SNRPC: variants seen among roughly 807,000 people sequenced by gnomAD.
SNRPC encodes the protein U1 small nuclear ribonucleoprotein C.
SNRPC carries 5 observed loss-of-function variants against 20.0 expected under a neutral mutation model. The ratio of observed to expected loss-of-function variants is 0.25; its 90% CI spans 0.13 to 0.53. The LOEUF is 0.53. SNRPC is among the 20% of genes least tolerant of loss of function. The pLI is 0.96. For synonymous variants in SNRPC, 61 were observed against 58.7 expected, an observed-to-expected ratio of 1.04 and a Z score of -0.18; for missense variants, 112 against 224.1, an observed-to-expected ratio of 0.50 and a Z score of 3.19.
At position 34,767,166 on chromosome 6, in the gene SNRPC, G is replaced by A. The variant is rs761362310; in HGVS notation, c.161-742G>A. Among the ~76,000 whole-genome samples the A allele has an allele frequency of 2.0e-5, 3 of 152,280 alleles. No individual in the cohort carries two copies. In the South Asian group the frequency reaches 6.2e-4, roughly 32 times the overall value. On this transcript the variant is annotated intron_variant, in intron 3 of 5. Transcript: ENST00000244520. ...TTCCAAACTGGTAAACCAACATGGT[G>A]TATTATTTTGACCTAGGACAGCATA...
intron 2 of SNRPC, among the ~76,000 whole-genome samples, chr6:34,761,486 A>C (rs1211966121): frequency 3.4e-5 from 5 of 148,388 alleles, no homozygotes; most frequent in Admixed American, 1.4e-4. Context: ...GTATTAATGT[A>C]AGCAGTGGTT....
chr6:34,759,751 T>G (rs888466260), intron 2 of SNRPC, among the ~76,000 whole-genome samples: 5 of 152,196 alleles, frequency 3.3e-5, no homozygotes, highest in Non-Finnish European at 7.4e-5. Context: ...CTTAGTAGTA[T>G]TATGAAAACA....
rs1472823493 is a variant in SNRPC, at chr6:34,773,598, GT to G, written c.*32del. The stretch of plus-strand genomic sequence containing the variant: ...ATAGAGGGGAGGCCTTATTGTATCG[GT>G]TTTATATTACCTGTTCTGCTTCACC... On this transcript the variant is annotated 3_prime_UTR_variant, in exon 6 of 6. Coordinates refer to ENST00000244520, the MANE Select transcript of SNRPC (RefSeq NM_003093.3). The surrounding 1 kb of genome is among the most constrained non-coding windows in gnomAD (Gnocchi z 4.1). The G allele has an allele frequency of 1.8e-5, 29 of 1,607,044 alleles. No homozygotes were observed. Among genetic ancestry groups the G allele is most frequent in the Non-Finnish European group, 2.4e-5 (28 of 1,175,322 alleles).
rs55756037 is a variant in SNRPC at position 34,757,936 on chromosome 6, A to G, written c.33A>G (p.Thr11=). 5 of 1,613,096 alleles carry G rather than the reference A, an allele frequency of 3.1e-6. No homozygotes were observed. Among genetic ancestry groups the G allele is most frequent in the Admixed American group, 1.7e-5 (1 of 59,938 alleles). ...GGTTTTATTGTGACTACTGCGATAC[A>G]TACCTCACCCATGACTCTGTAAGTG... MPKFYCDYCD[T]YLTHDSPSVR... Residue 11 remains threonine (T), a synonymous_variant, in exon 2 of 6, where the codon ACA becomes ACG. Coordinates refer to ENST00000244520, the MANE Select transcript of SNRPC (RefSeq NM_003093.3).
At chr6:34,771,328 CAA>C (rs774284128) in intron 5 of SNRPC, among the ~76,000 whole-genome samples, 1,400 of 63,722 alleles carry the variant, frequency 0.022, 19 homozygotes, top group African/African-American at 0.055. Flanking sequence ...GACTGTGTCT[CAA>C]AAAAAAAAAA....
Position 34,773,418 on chromosome 6 carries a change from T to C in SNRPC, c.356-28T>C, listed in dbSNP as rs1187041089. ...AAATCGTATTTTCTGACTCCCTTTT[T>C]CTCCCTCTTCTTTGTTTTGTCCTGC... On this transcript the variant is annotated intron_variant, in intron 5 of 5. Transcript: ENST00000244520. This position sits in a 1 kb window ranked among gnomAD's most constrained non-coding sequence, Gnocchi z 4.1. 6.2e-7 allele frequency: 1 copy of C among 1,606,920 alleles called. No individual in the cohort carries two copies. The highest frequency in any genetic ancestry group is 1.3e-5 in the African/African-American group (1 of 74,872).
Position 34,761,427 on chromosome 6 carries a change from C to T in SNRPC, c.52-1168C>T, listed in dbSNP as rs149809466. 2.2e-3 allele frequency among the ~76,000 whole-genome samples: 329 copies of T among 149,696 alleles called. 1 individual carries two copies. Among genetic ancestry groups the T allele is most frequent in the African/African-American group, 7.4e-3 (302 of 40,786 alleles). On this transcript the variant is annotated intron_variant, in intron 2 of 5. Coordinates refer to ENST00000244520, the MANE Select transcript of SNRPC (RefSeq NM_003093.3). ...TGCTGGGATTATAGGTGTGAGCCACCGCGACTGGCTGCTAGTCATGATTTT... is the reference window on the plus strand; with the variant it reads ...TGCTGGGATTATAGGTGTGAGCCACTGCGACTGGCTGCTAGTCATGATTTT...
At chr6:34,770,048 C>T (rs752470417) in intron 4 of SNRPC, among the ~76,000 whole-genome samples, 4 of 152,156 alleles carry the variant, frequency 2.6e-5, no homozygotes, top group Non-Finnish European at 4.4e-5. Context: ...CATGGAGAAA[C>T]CCTGTCTCTA....
chr6:34,763,904 A>G (rs1420005268), intron 3 of SNRPC, among the ~76,000 whole-genome samples: 1 of 148,424 alleles, frequency 6.7e-6, no homozygotes, highest in African/African-American at 2.5e-5. Context: ...TTTAGTAGAG[A>G]CGGGATTTCA....
intron 3 of SNRPC, among the ~76,000 whole-genome samples, chr6:34,763,178 G>A (rs748119912): frequency 2.0e-5 from 3 of 152,162 alleles, no homozygotes; most frequent in Non-Finnish European, 4.4e-5. Context: ...TAACAAAATA[G>A]TCTGGATATG....
intron 3 of SNRPC, 133 bp downstream of exon 3, chr6:34,762,836 G>T: frequency 1.6e-6 from 1 of 632,348 alleles, no homozygotes. Context: ...AATGAAAGAA[G>T]CAGAAGGTCA....
In SNRPC at chr6:34,767,899, C is replaced by CCTCAT. The variant is rs3831083; in HGVS notation, c.161-6_161-5insATCTC. The CCTCAT allele has an allele frequency of 0.34, 509,592 of 1,500,114 alleles. 97,233 individuals carry two copies. The highest frequency in any genetic ancestry group is 0.67 in the African/African-American group (45,371 of 67,278). 92.9% of individuals were successfully genotyped at this position (1,500,114 alleles called of 1,614,324 possible). ...TCTTTTTTTTTTTTTTTTTCCTCACCCTCCAAAGCGGCTGCATTTCAACAA... is the reference window on the plus strand; with the variant it reads ...TCTTTTTTTTTTTTTTTTTCCTCACCCTCATCTCCAAAGCGGCTGCATTTCAACAA... On this transcript the variant is annotated splice_polypyrimidine_tract_variant and intron_variant, in intron 3 of 5. Transcript: ENST00000244520.
chr6:34,762,570 CTGATA>C lies in SNRPC; in HGVS notation c.52-20_52-16del. 8.1e-7 allele frequency: 1 copy of C among 1,236,562 alleles called. No homozygotes were observed. The highest frequency in any genetic ancestry group is 1.2e-6 in the Non-Finnish European group (1 of 842,046). 76.6% of individuals were successfully genotyped at this position (1,236,562 alleles called of 1,614,324 possible). ...TAGTGTTGGACATTTGTTTCTACGT[CTGATA>C]TGATCTTTTTATTTTACAGCCATCT... is the stretch of plus-strand genomic sequence containing the variant. On this transcript the variant is annotated intron_variant, in intron 2 of 5. Transcript: ENST00000244520.
rs892617481 is a variant in SNRPC, at chr6:34,757,528, C to A, written c.-16C>A. On this transcript the variant is annotated 5_prime_UTR_variant, in exon 1 of 6. Transcript: ENST00000244520. ...GGGCGTCACGTAACGGAGTGGCCAACGGCCTGCAGAGCAACATGCCCAAGT... is the reference window on the plus strand; with the variant it reads ...GGGCGTCACGTAACGGAGTGGCCAAAGGCCTGCAGAGCAACATGCCCAAGT... 2 of 1,612,886 alleles carry A rather than the reference C, an allele frequency of 1.2e-6. No homozygotes were observed. Among genetic ancestry groups the A allele is most frequent in the Admixed American group, 1.7e-5 (1 of 59,968 alleles).
intron 3 of SNRPC, among the ~76,000 whole-genome samples, chr6:34,766,876 G>C (rs914093640): frequency 3.3e-5 from 5 of 152,140 alleles, no homozygotes; most frequent in Non-Finnish European, 5.9e-5. Context: ...CCTTTGCATT[G>C]GTGGGAGTGG....
At chr6:34,765,421 T>A (rs1208488575) in intron 3 of SNRPC, among the ~76,000 whole-genome samples, 4 of 150,876 alleles carry the variant, frequency 2.7e-5, no homozygotes, top group Non-Finnish European at 4.4e-5. Context: ...TCTTATATAT[T>A]TATTTATTTA....
At chr6:34,762,019 G>A (rs1764543740) in intron 2 of SNRPC, among the ~76,000 whole-genome samples, 2 of 152,060 alleles carry the variant, frequency 1.3e-5, no homozygotes, top group African/African-American at 4.8e-5. Context: ...ATAAATAAAT[G>A]TGCTGGGCTC....
intron 2 of SNRPC, among the ~76,000 whole-genome samples, chr6:34,760,860 A>G (rs961983730): frequency 6.6e-5 from 10 of 151,480 alleles, no homozygotes; most frequent in Admixed American, 3.3e-4. Context: ...CCTGGCCAAC[A>G]TAGTGAAACC....
chr6:34,773,351 T>C lies in SNRPC; in HGVS notation c.356-95T>C. The stretch of plus-strand genomic sequence containing the variant: ...TTTTCCAGCATTTTGCAAGGGGGGC[T>C]ACGTTTTTTGTTTTTAATTGAAGTC... On this transcript the variant is annotated intron_variant, in intron 5 of 5. Transcript: ENST00000244520. The surrounding 1 kb of genome is among the most constrained non-coding windows in gnomAD (Gnocchi z 4.1). The C allele has an allele frequency of 9.2e-7, 1 of 1,087,098 alleles. No homozygotes were observed. Among genetic ancestry groups the C allele is most frequent in the South Asian group, 1.5e-5 (1 of 65,430 alleles). The allele number at this position is 1,087,098 out of a possible 1,614,324, so 67.3% of individuals were successfully genotyped here. A position where few individuals can be genotyped will look rare whatever the true frequency, so the allele number is the denominator to read the frequency against.
Sources: gnomAD v4.1 joint callset for allele counts (sites outside exome capture counted in the v4.1 genomes callset) on GRCh38, gnomAD v4.1.1 for gene constraint, Gnocchi (gnomAD v3.1) non-coding constraint, MANE v1.5 for transcripts, NCBI Gene and HGNC (gene_info 2026-07-23, HGNC 2026-07-21) for gene names.